POFUT1: variants seen among roughly 807,000 people sequenced by gnomAD.
The protein encoded by POFUT1 is GDP-fucose protein O-fucosyltransferase 1.
POFUT1 carries 16 observed loss-of-function variants against 42.4 expected under a neutral mutation model. The ratio of observed to expected loss-of-function variants is 0.38; its 90% CI spans 0.26 to 0.57. The LOEUF (loss-of-function observed/expected upper bound fraction) is 0.57. Ranked by LOEUF, POFUT1 falls within the 20% of genes least tolerant of loss-of-function variation. POFUT1 has a pLI of 0.71. For missense variants in POFUT1, 470 were observed against 504.6 expected, an observed-to-expected ratio of 0.93 and a Z score of 0.66; for synonymous variants, 206 against 205.4, an observed-to-expected ratio of 1.00 and a Z score of -0.03.
Position 32,234,656 on chromosome 20 carries a change from T to C in POFUT1, c.1162T>C (p.Phe388Leu). 5 of 1,604,590 alleles carry C rather than the reference T, an allele frequency of 3.1e-6. No homozygotes were observed. The highest frequency in any genetic ancestry group is 4.3e-6 in the Non-Finnish European group (5 of 1,174,634). ...CAGGCCCCCTAAGCTGCGGGACGAG[T>C]TCTGATTCTGGCCGGAGCACCAGAC... is the stretch of plus-strand genomic sequence containing the variant. The part of the protein sequence containing the change: ...MDRPPKLRDE[F>L] The change falls in exon 7 of 7, where the codon TTC (phenylalanine) becomes CTC (leucine). Residue 388 changes from phenylalanine (F) to leucine (L), a missense_variant. Coordinates refer to ENST00000375749, the MANE Select transcript of POFUT1 (RefSeq NM_015352.2).
At chr20:32,231,997 A>G (rs1383773304) in intron 6 of POFUT1, among the ~76,000 whole-genome samples, 1 of 152,238 alleles carries the variant, frequency 6.6e-6, no homozygotes, top group South Asian at 2.1e-4. Context: ...TAAGCATTCC[A>G]TAGGACTTTG....
chr20:32,224,445 G>C (rs1037329184), intron 4 of POFUT1, among the ~76,000 whole-genome samples: 6 of 152,144 alleles, frequency 3.9e-5, no homozygotes, highest in Admixed American at 1.3e-4. Flanking sequence ...CGCACAGCTG[G>C]ACCATCAAGG....
Position 32,234,556 on chromosome 20 carries a change from T to C in POFUT1, c.1062T>C (p.Cys354=). ...AAGCCGACCACTTTATTGGCAACTGTGTCTCCTCCTTCACTGCCTTTGTGA... is the reference window on the plus strand; with the variant it reads ...AAGCCGACCACTTTATTGGCAACTGCGTCTCCTCCTTCACTGCCTTTGTGA... The part of the protein sequence containing the change: ...LGQADHFIGN[C]VSSFTAFVKR... Residue 354 remains cysteine, a synonymous_variant, in exon 7 of 7, where the codon TGT becomes TGC. Transcript: ENST00000375749. The C allele has an allele frequency of 6.2e-7, 1 of 1,614,214 alleles. No individual in the cohort carries two copies. The highest frequency in any genetic ancestry group is 8.5e-7 in the Non-Finnish European group (1 of 1,180,014).
chr20:32,219,062 TC>T (rs1160959907), intron 4 of POFUT1, among the ~76,000 whole-genome samples: 14 of 152,188 alleles, frequency 9.2e-5, no homozygotes, highest in African/African-American at 3.1e-4. Flanking sequence ...AAGAAGCACT[TC>T]CTGAGTGTCA....
In POFUT1 at chr20:32,207,950, C is replaced by T. The variant is rs754024771; in HGVS notation, c.9C>T (p.Ala3=). The T allele has an allele frequency of 3.1e-6, 5 of 1,588,686 alleles. No individual in the cohort carries two copies. Among genetic ancestry groups the T allele is most frequent in the African/African-American group, 1.3e-5 (1 of 74,386 alleles). Residue 3 remains alanine (A), a synonymous_variant, in exon 1 of 7, where the codon GCC becomes GCT. Coordinates refer to ENST00000375749, the MANE Select transcript of POFUT1 (RefSeq NM_015352.2). ...CGGGTTCCCGGGCCGACATGGGCGC[C>T]GCCGCGTGGGCACGGCCGCTGAGCG... is the stretch of plus-strand genomic sequence containing the variant. MG[A]AAWARPLSVS... is the part of the protein sequence containing the mutation.
chr20:32,214,104 G>C (rs2047345429), intron 2 of POFUT1, among the ~76,000 whole-genome samples: 1 of 151,600 alleles, frequency 6.6e-6, no homozygotes, highest in Admixed American at 6.6e-5. Flanking sequence ...CAAATAGTTA[G>C]AAGAGGAAGG....
intron 2 of POFUT1, among the ~76,000 whole-genome samples, chr20:32,213,959 C>G (rs1255260760): frequency 6.6e-6 from 1 of 152,066 alleles, no homozygotes; most frequent in African/African-American, 2.4e-5. Context: ...ACCCTGTTCC[C>G]TTAACAACTG....
Position 32,208,084 on chromosome 20 carries a change from T to C in POFUT1, c.124+19T>C. The C allele has an allele frequency of 6.5e-7, 1 of 1,537,930 alleles. No homozygotes were observed. ...TGCATGGGTAAGGCCTCCCAAGCCC[T>C]CTGCTCAGATGGAGAAACTGAGGCC... On this transcript the variant is annotated intron_variant, in intron 1 of 6. Coordinates refer to ENST00000375749, the MANE Select transcript of POFUT1 (RefSeq NM_015352.2).
At chr20:32,218,608 A>C (rs552301788) in intron 4 of POFUT1, among the ~76,000 whole-genome samples, 1 of 152,118 alleles carries the variant, frequency 6.6e-6, no homozygotes, top group African/African-American at 2.4e-5. Context: ...CCCAGATAGC[A>C]CACTCCCATT....
rs186404267 is a variant in POFUT1 at position 32,211,924 on chromosome 20, C to T, written c.246+1732C>T. Among the ~76,000 whole-genome samples the T allele has an allele frequency of 1.3e-4, 20 of 152,312 alleles. No individual in the cohort carries two copies. The East Asian group carries it at 3.9e-3, about 29-fold the overall frequency. ...TCCTCTTTCCACTGTATCAGGGGCT[C>T]CTTTCTCTCCACCCACTGTTTAGAT... On this transcript the variant is annotated intron_variant, in intron 2 of 6. Transcript: ENST00000375749.
At chr20:32,225,852 C>T (rs574560857) in intron 4 of POFUT1, among the ~76,000 whole-genome samples, 7 of 152,296 alleles carry the variant, frequency 4.6e-5, no homozygotes, top group African/African-American at 1.7e-4. Flanking sequence ...ACTGTTATCT[C>T]TATTATGTGG....
rs2047302635 is a variant in POFUT1 at position 32,208,024 on chromosome 20, C to T, written c.83C>T (p.Ser28Phe). 1.3e-6 allele frequency: 2 copies of T among 1,576,546 alleles called. No individual in the cohort carries two copies. The highest frequency in any genetic ancestry group is 1.7e-6 in the Non-Finnish European group (2 of 1,165,326). Residue 28 changes from serine to phenylalanine, a missense_variant, in exon 1 of 7, where the codon TCC becomes TTC. Coordinates refer to ENST00000375749, the MANE Select transcript of POFUT1 (RefSeq NM_015352.2). ...LLPLPGMPAGSWDPAGYLLYC... is the reference protein window; with the variant it reads ...LLPLPGMPAGFWDPAGYLLYC... Reference sequence around the variant, plus strand: ...CCGCTCCCGGGGATGCCTGCGGGCTCCTGGGACCCGGCCGGTTACCTGCTC... The same window carrying T: ...CCGCTCCCGGGGATGCCTGCGGGCTTCTGGGACCCGGCCGGTTACCTGCTC...
At chr20:32,231,259 C>G (rs899095160) in intron 6 of POFUT1, 198 bp downstream of exon 6, 16 of 594,060 alleles carry the variant, frequency 2.7e-5, no homozygotes, top group Middle Eastern at 4.6e-4. Context: ...TCATCCACTC[C>G]TGGAGCTCAC....
intron 2 of POFUT1, among the ~76,000 whole-genome samples, chr20:32,212,987 C>T (rs991727987): frequency 5.9e-5 from 9 of 151,812 alleles, no homozygotes; most frequent in East Asian, 3.9e-4. Flanking sequence ...TGGGTTAAAG[C>T]GATTCTACTG....
chr20:32,222,687 T>G, intron 4 of POFUT1: 4 of 985,374 alleles, frequency 4.1e-6, no homozygotes, highest in Non-Finnish European at 4.8e-6. Context: ...TAAGAGGTAT[T>G]TCTTCTTTAC....
Position 32,231,043 on chromosome 20 carries a change from A to G in POFUT1, c.960A>G (p.Gln320=), listed in dbSNP as rs1309943422. 10 of 1,614,212 alleles carry G rather than the reference A, an allele frequency of 6.2e-6. No homozygotes were observed. Among genetic ancestry groups the G allele is most frequent in the Admixed American group, 1.7e-5 (1 of 60,036 alleles). The change falls in exon 6 of 7, where the codon CAA becomes CAG. Residue 320 remains glutamine (Q), a synonymous_variant. Coordinates refer to ENST00000375749, the MANE Select transcript of POFUT1 (RefSeq NM_015352.2). Reference sequence around the variant, plus strand: ...CCGAGAGTTATGTGCCTGAGCTCCAACAGCTCTTCAAAGGGAAGGTATGTG... The same window carrying G: ...CCGAGAGTTATGTGCCTGAGCTCCAGCAGCTCTTCAAAGGGAAGGTATGTG... ...TDSESYVPEL[Q]QLFKGKVKVV... is the part of the protein sequence containing the mutation.
chr20:32,221,272 A>C (rs953915396), intron 4 of POFUT1, among the ~76,000 whole-genome samples: 1 of 152,186 alleles, frequency 6.6e-6, no homozygotes, highest in Non-Finnish European at 1.5e-5. Context: ...CTTGGGGAGA[A>C]GAGAAGAATG....
chr20:32,217,039 T>C (rs756922432), intron 4 of POFUT1: 1 of 1,613,836 alleles, frequency 6.2e-7, no homozygotes. Flanking sequence ...TACCTTACTC[T>C]TCCCAAGGTG....
Position 32,234,547 on chromosome 20 carries a change from T to C in POFUT1, c.1053T>C (p.Ile351=). The change falls in exon 7 of 7, where the codon ATT becomes ATC. Residue 351 remains isoleucine (I), a synonymous_variant. Coordinates refer to ENST00000375749, the MANE Select transcript of POFUT1 (RefSeq NM_015352.2). ...LYILGQADHF[I]GNCVSSFTAF... ...TCCTCGGCCAAGCCGACCACTTTAT[T>C]GGCAACTGTGTCTCCTCCTTCACTG... 1 of 1,614,230 alleles carries C rather than the reference T, an allele frequency of 6.2e-7. No homozygotes were observed. The highest frequency in any genetic ancestry group is 8.5e-7 in the Non-Finnish European group (1 of 1,180,024).
Sources: allele counts gnomAD v4.1 joint callset (sites outside exome capture counted in the v4.1 genomes callset), GRCh38; gene constraint gnomAD v4.1.1; transcripts MANE v1.5; gene names NCBI Gene and HGNC (gene_info 2026-07-23, HGNC 2026-07-21).